The following NHS variants were observed in gnomAD, a reference collection of about 807,000 sequenced individuals.
NHS encodes the protein NHS actin remodeling regulator.
NHS carries 5 observed loss-of-function variants against 72.5 expected under a neutral mutation model. That is an observed-to-expected ratio of 0.07 (90% CI 0.04 to 0.14). NHS has a LOEUF of 0.14. NHS is among the 10% of genes least tolerant of loss of function. The pLI, the probability that NHS is intolerant of heterozygous loss-of-function variation, is 1.00. For synonymous variants in NHS, 464 were observed against 547.7 expected (o/e 0.85, Z 2.13); for missense variants, 1,072 against 1,355.7 (o/e 0.79, Z 3.29).
chrX:17,526,075 A>G (rs964548676), intron 1 of NHS, among the ~76,000 whole-genome samples: 2 of 112,783 alleles, frequency 1.8e-5, no homozygotes, highest in Non-Finnish European at 3.7e-5. Flanking sequence ...TGGTCAAAGA[A>G]GTTTCAAAAA....
intron 1 of NHS, among the ~76,000 whole-genome samples, chrX:17,460,840 C>T (rs2064844255): frequency 8.9e-6 from 1 of 111,945 alleles, no homozygotes; most frequent in African/African-American, 3.2e-5. Context: ...GAGGTAGTTG[C>T]TTCTGTTATC....
At chrX:17,605,364 A>G (rs2065673682) in intron 1 of NHS, among the ~76,000 whole-genome samples, 1 of 111,889 alleles carries the variant, frequency 8.9e-6, no homozygotes, top group South Asian at 3.8e-4. Context: ...GTGCTGTAAT[A>G]GAGGTTGGAG....
At chrX:17,636,381 T>C (rs1359400125) in intron 1 of NHS, among the ~76,000 whole-genome samples, 2 of 112,802 alleles carry the variant, frequency 1.8e-5, no homozygotes, top group African/African-American at 3.2e-5. Flanking sequence ...TTGAAAAGCA[T>C]TGAACTTTTT....
intron 1 of NHS, among the ~76,000 whole-genome samples, chrX:17,645,512 G>T (rs981325426): frequency 5.4e-5 from 6 of 111,652 alleles, no homozygotes; most frequent in Non-Finnish European, 1.1e-4. Flanking sequence ...AAGCCTGGGG[G>T]CCTAAGGGAG....
Position 17,495,435 on chromosome X carries a change from T to C in NHS, c.565+119113T>C, listed in dbSNP as rs775911145. On this transcript the variant is annotated intron_variant, in intron 1 of 8. Coordinates refer to ENST00000676302, the MANE Select transcript of NHS (RefSeq NM_001291867.2). Reference sequence around the variant, plus strand: ...CTTAATAATATTGTTGGTAGCACAGTAATACTTGTATAGGTTTGTTTCGCA... The same window carrying C: ...CTTAATAATATTGTTGGTAGCACAGCAATACTTGTATAGGTTTGTTTCGCA... 6.2e-5 allele frequency among the ~76,000 whole-genome samples: 7 copies of C among 112,373 alleles called. No individual in the cohort carries two copies. In the East Asian group the frequency reaches 1.9e-3, roughly 31 times the overall value.
chrX:17,634,828 C>A (rs1287006398), intron 1 of NHS, among the ~76,000 whole-genome samples: 2 of 111,768 alleles, frequency 1.8e-5, no homozygotes, highest in East Asian at 5.6e-4. Flanking sequence ...GGTGTGTGCG[C>A]AAATATTTGC....
At chrX:17,403,155 G>C (rs775626357) in intron 1 of NHS, among the ~76,000 whole-genome samples, 11 of 111,501 alleles carry the variant, frequency 9.9e-5, no homozygotes, top group Non-Finnish European at 1.5e-4. Context: ...TGCTGGATGG[G>C]GAAAGAGAAT....
At chrX:17,538,622 G>C (rs1398371909) in intron 1 of NHS, among the ~76,000 whole-genome samples, 1 of 111,635 alleles carries the variant, frequency 9.0e-6, no homozygotes, top group Non-Finnish European at 1.9e-5. Context: ...CCCTCAGGGA[G>C]AGGGTCATAG....
rs1442238080 is a variant in NHS at position 17,375,254 on chromosome X, G to T, written c.-504G>T. Among the ~76,000 whole-genome samples the T allele has an allele frequency of 8.9e-6, 1 of 112,252 alleles. No homozygotes were observed. Among genetic ancestry groups the T allele is most frequent in the Non-Finnish European group, 1.9e-5 (1 of 53,059 alleles). The stretch of plus-strand genomic sequence containing the variant: ...CCAGCCAGGGAGAGAGATCCCGGGC[G>T]CAATCGCTCCCCGGAGCGGCCGAGG... On this transcript the variant is annotated 5_prime_UTR_variant, in exon 1 of 9. Coordinates refer to ENST00000676302, the MANE Select transcript of NHS (RefSeq NM_001291867.2).
At chrX:17,539,991 T>G (rs903630547) in intron 1 of NHS, among the ~76,000 whole-genome samples, 10 of 112,482 alleles carry the variant, frequency 8.9e-5, no homozygotes, top group African/African-American at 3.2e-4. Flanking sequence ...ACTATCCTGC[T>G]TTGGACATGT....
intron 1 of NHS, among the ~76,000 whole-genome samples, chrX:17,673,165 G>T: frequency 1.0e-5 from 1 of 97,254 alleles, no homozygotes; most frequent in Non-Finnish European, 2.0e-5. Flanking sequence ...CCATTGCTTA[G>T]CTGGAAGATG....
chrX:17,469,991 A>G (rs757031066), intron 1 of NHS, among the ~76,000 whole-genome samples: 1 of 110,794 alleles, frequency 9.0e-6, no homozygotes, highest in African/African-American at 3.3e-5. Context: ...TTGAAAAGAG[A>G]TGATTTGGGT....
At chrX:17,413,194 A>C (rs1367988627) in intron 1 of NHS, among the ~76,000 whole-genome samples, 1 of 109,532 alleles carries the variant, frequency 9.1e-6, no homozygotes, top group South Asian at 3.9e-4. Context: ...GTCTGGAAAA[A>C]CTCCTGTACA....
chrX:17,486,937 G>A (rs150676549), intron 1 of NHS, among the ~76,000 whole-genome samples: 1,117 of 110,993 alleles, frequency 0.01, 14 homozygotes, highest in African/African-American at 0.035. Flanking sequence ...CATTTTACAG[G>A]TAAGAAAACT....
intron 1 of NHS, among the ~76,000 whole-genome samples, chrX:17,444,647 G>A (rs1290579189): frequency 9.0e-6 from 1 of 111,357 alleles, no homozygotes. Flanking sequence ...TTAGTGCATT[G>A]CAATGCCTGG....
At chrX:17,479,714 A>G (rs1238881420) in intron 1 of NHS, among the ~76,000 whole-genome samples, 17 of 111,917 alleles carry the variant, frequency 1.5e-4, no homozygotes, top group African/African-American at 5.5e-4. Flanking sequence ...GTGTCTGTTC[A>G]TATCCTTCGC....
chrX:17,696,315 G>C (rs1050900881), intron 3 of NHS, among the ~76,000 whole-genome samples: 1 of 112,133 alleles, frequency 8.9e-6, no homozygotes, highest in Non-Finnish European at 1.9e-5. Flanking sequence ...TGATTATTTA[G>C]GGAAAGGTAG....
intron 1 of NHS, among the ~76,000 whole-genome samples, chrX:17,428,466 G>A (rs2064668472): frequency 8.9e-6 from 1 of 111,976 alleles, no homozygotes; most frequent in African/African-American, 3.2e-5. Context: ...ATGATACCTC[G>A]GTTTGGGGCT....
intron 1 of NHS, among the ~76,000 whole-genome samples, chrX:17,634,326 C>T (rs1028842933): frequency 1.8e-5 from 2 of 112,523 alleles, no homozygotes; most frequent in African/African-American, 6.5e-5. Context: ...CAGGGAGTCA[C>T]AGCCATCAGC....
Sources: allele counts gnomAD v4.1 joint callset (sites outside exome capture counted in the v4.1 genomes callset), GRCh38; gene constraint gnomAD v4.1.1; transcripts MANE v1.5; gene names NCBI Gene and HGNC (gene_info 2026-07-23, HGNC 2026-07-21).